The following SORCS2 variants were observed in gnomAD, a reference collection of about 807,000 sequenced individuals.
The protein encoded by SORCS2 is VPS10 domain-containing receptor SorCS2.
Under a neutral mutation model 141.6 loss-of-function variants are expected in SORCS2, and 100 were observed. That is an observed-to-expected ratio of 0.71 (90% CI 0.60 to 0.83). The LOEUF (loss-of-function observed/expected upper bound fraction) is 0.83. Among genes scored for constraint, SORCS2 ranks in the 40% least tolerant of loss-of-function variants. The probability of loss-of-function intolerance (pLI) is 0.00; values close to 1 mark genes in which losing one functional copy is unlikely to be tolerated. For synonymous variants in SORCS2, 789 were observed against 676.9 expected (o/e 1.17, Z -2.57); for missense variants, 1,646 against 1,560.2 (o/e 1.05, Z -0.93).
intron 1 of SORCS2, among the ~76,000 whole-genome samples, chr4:7,270,525 G>T (rs1257540359): frequency 6.6e-6 from 1 of 152,144 alleles, no homozygotes; most frequent in Non-Finnish European, 1.5e-5. Flanking sequence ...CCGCAGCTAC[G>T]GGTCCTCACA....
chr4:7,391,890 C>T (rs1046473029), intron 1 of SORCS2, among the ~76,000 whole-genome samples: 4 of 152,266 alleles, frequency 2.6e-5, no homozygotes, highest in South Asian at 2.1e-4. Flanking sequence ...TGAATAAAAT[C>T]GGGGTGCCCT....
At chr4:7,740,168 C>T (rs1162550903) in intron 26 of SORCS2, 32 bp from the exon 27 acceptor site, 3 of 1,587,566 alleles carry the variant, frequency 1.9e-6, no homozygotes, top group African/African-American at 2.7e-5. Flanking sequence ...CGGGCTTGTG[C>T]TCACGGGACC....
At chr4:7,238,291 G>C (rs995422443) in intron 1 of SORCS2, among the ~76,000 whole-genome samples, 1 of 105,132 alleles carries the variant, frequency 9.5e-6, no homozygotes, top group Non-Finnish European at 2.0e-5. Flanking sequence ...GAGGGAGTCT[G>C]GGGGGGGTTG....
chr4:7,296,801 AAC>A (rs977101977), intron 1 of SORCS2, among the ~76,000 whole-genome samples: 1 of 152,096 alleles, frequency 6.6e-6, no homozygotes, highest in African/African-American at 2.4e-5. Flanking sequence ...GTGACCCCCC[AAC>A]ACACATACAC....
chr4:7,526,964 C>G (rs925188136), intron 2 of SORCS2, among the ~76,000 whole-genome samples: 2 of 152,168 alleles, frequency 1.3e-5, no homozygotes, highest in Non-Finnish European at 2.9e-5. Context: ...AATGCTAAGT[C>G]TTTGAAATCA....
At chr4:7,338,316 C>A (rs986648157) in intron 1 of SORCS2, among the ~76,000 whole-genome samples, 1 of 136,580 alleles carries the variant, frequency 7.3e-6, no homozygotes, top group Non-Finnish European at 1.5e-5. Context: ...GGATGGATGT[C>A]GGTTGGATGG....
chr4:7,396,559 C>T (rs774672826), intron 2 of SORCS2, among the ~76,000 whole-genome samples: 3 of 152,216 alleles, frequency 2.0e-5, no homozygotes, highest in Admixed American at 6.5e-5. Flanking sequence ...AACTGCACTG[C>T]AGAATAGACA....
At chr4:7,661,128 AAAAC>A (rs889867992) in intron 5 of SORCS2, among the ~76,000 whole-genome samples, 2 of 152,210 alleles carry the variant, frequency 1.3e-5, no homozygotes, top group African/African-American at 2.4e-5. Context: ...AAAATAAAAC[AAAAC>A]AAACAAAAAT....
intron 15 of SORCS2, 73 bp from the exon 16 acceptor site, chr4:7,714,167 C>T: frequency 6.5e-7 from 1 of 1,527,524 alleles, no homozygotes; most frequent in East Asian, 2.4e-5. Context: ...CTCTGGCAGC[C>T]TCAGCGGCAC....
At chr4:7,310,809 G>A (rs1464348996) in intron 1 of SORCS2, among the ~76,000 whole-genome samples, 1 of 152,222 alleles carries the variant, frequency 6.6e-6, no homozygotes, top group African/African-American at 2.4e-5. Context: ...AGAGAAAGAT[G>A]TGAATGAAAC....
At chr4:7,633,004 G>A (rs1168360609) in intron 3 of SORCS2, among the ~76,000 whole-genome samples, 1 of 152,196 alleles carries the variant, frequency 6.6e-6, no homozygotes, top group Non-Finnish European at 1.5e-5. Flanking sequence ...ATCAAAACAG[G>A]CTCACATGTA....
intron 3 of SORCS2, among the ~76,000 whole-genome samples, chr4:7,619,371 G>A (rs957967716): frequency 1.2e-4 from 18 of 152,184 alleles, no homozygotes; most frequent in Non-Finnish European, 2.9e-5. Context: ...AGGGAGCAGA[G>A]GGCTTGTGTG....
intron 2 of SORCS2, among the ~76,000 whole-genome samples, chr4:7,411,639 TC>T (rs1725315787): frequency 6.6e-6 from 1 of 152,072 alleles, no homozygotes. Flanking sequence ...TACCTGCCTT[TC>T]CTCCCTCCAT....
chr4:7,552,459 A>C (rs1691974547), intron 3 of SORCS2, among the ~76,000 whole-genome samples: 1 of 152,150 alleles, frequency 6.6e-6, no homozygotes, highest in Non-Finnish European at 1.5e-5. Context: ...TTCTCTGACA[A>C]AAAAGCACTG....
intron 1 of SORCS2, among the ~76,000 whole-genome samples, chr4:7,347,455 C>T (rs1416226538): frequency 6.6e-6 from 1 of 152,212 alleles, no homozygotes; most frequent in African/African-American, 2.4e-5. Context: ...CTCTATATGC[C>T]TGTTTCAGCC....
intron 2 of SORCS2, among the ~76,000 whole-genome samples, chr4:7,519,323 A>G (rs900139367): frequency 5.3e-5 from 8 of 152,232 alleles, no homozygotes; most frequent in African/African-American, 1.2e-4. Context: ...TAAGACCTCC[A>G]GACATAAAAC....
At chr4:7,542,379 C>T (rs2109589771) in intron 3 of SORCS2, among the ~76,000 whole-genome samples, 1 of 152,184 alleles carries the variant, frequency 6.6e-6, no homozygotes, top group East Asian at 1.9e-4. Flanking sequence ...AGGTCATTTC[C>T]AACATGACTG....
intron 9 of SORCS2, among the ~76,000 whole-genome samples, chr4:7,681,275 G>A (rs897602691): frequency 6.6e-6 from 1 of 152,220 alleles, no homozygotes; most frequent in Non-Finnish European, 1.5e-5. Flanking sequence ...AGGAATTAAG[G>A]CTGCTCATCA....
chr4:7,305,117 C>T (rs4079443), intron 1 of SORCS2, among the ~76,000 whole-genome samples: 37,499 of 151,536 alleles, frequency 0.25, 5,441 homozygotes, highest in Admixed American at 0.38. Flanking sequence ...CTGCAAGCTC[C>T]GCCTCCCGGG....
Sources: gnomAD v4.1 joint callset for allele counts (sites outside exome capture counted in the v4.1 genomes callset) on GRCh38, gnomAD v4.1.1 for gene constraint, MANE v1.5 for transcripts, NCBI Gene and HGNC (gene_info 2026-07-23, HGNC 2026-07-21) for gene names.